The following USP10 variants were observed in gnomAD, a reference collection of about 807,000 sequenced individuals.
The protein encoded by USP10 is ubiquitin specific peptidase 10, also known as ubiquitin carboxyl-terminal hydrolase 10.
USP10 carries 22 observed loss-of-function variants against 84.5 expected under a neutral mutation model. That is an observed-to-expected ratio of 0.26 (90% CI 0.19 to 0.37). USP10 has a LOEUF of 0.37. Among genes scored for constraint, USP10 ranks in the 10% least tolerant of loss-of-function variants. The pLI is 1.00. For synonymous variants in USP10, 454 were observed against 387.6 expected (o/e 1.17, Z -2.01); for missense variants, 1,019 against 998.9 (o/e 1.02, Z -0.27).
At chr16:84,756,731 A>G (rs1475873710) in intron 4 of USP10, among the ~76,000 whole-genome samples, 3 of 152,362 alleles carry the variant, frequency 2.0e-5, no homozygotes, top group Admixed American at 1.3e-4. Context: ...TTGAGACACT[A>G]TGCCTTTACG....
chr16:84,775,348 C>A, intron 13 of USP10, 123 bp downstream of exon 13: 1 of 951,678 alleles, frequency 1.1e-6, no homozygotes, highest in Non-Finnish European at 1.6e-6. Flanking sequence ...TCCCTGTGGC[C>A]TTGTGAGTCG....
chr16:84,748,850 G>C (rs1316359331), intron 4 of USP10, among the ~76,000 whole-genome samples: 1 of 152,186 alleles, frequency 6.6e-6, no homozygotes, highest in African/African-American at 2.4e-5. Flanking sequence ...ATGACTGGTA[G>C]TAGAGGAAAG....
rs142083128 is a variant in USP10 at position 84,713,868 on chromosome 16, G to A, written c.21+13757G>A. Among the ~76,000 whole-genome samples the A allele has an allele frequency of 2.8e-4, 43 of 152,360 alleles. No homozygotes were observed. The East Asian group carries it at 7.7e-3, about 27-fold the overall frequency. On this transcript the variant is annotated intron_variant, in intron 1 of 13. Coordinates refer to ENST00000219473, the MANE Select transcript of USP10 (RefSeq NM_005153.3). Reference sequence around the variant, plus strand: ...GCCAGCAGGGTCCCAAGAGAAGGGCGCCCAAAGCAGAAAGACCTGGCGTGT... The same window carrying A: ...GCCAGCAGGGTCCCAAGAGAAGGGCACCCAAAGCAGAAAGACCTGGCGTGT...
At chr16:84,731,230 C>T (rs1279306553) in intron 1 of USP10, among the ~76,000 whole-genome samples, 3 of 151,446 alleles carry the variant, frequency 2.0e-5, no homozygotes, top group East Asian at 1.9e-4. Flanking sequence ...CCGCCCACCT[C>T]GGCCTCCCAG....
chr16:84,775,634 C>A (rs774478549), intron 13 of USP10, among the ~76,000 whole-genome samples: 1 of 152,182 alleles, frequency 6.6e-6, no homozygotes, highest in Non-Finnish European at 1.5e-5. Flanking sequence ...TCCCTGCGTC[C>A]TCCCCCACAG....
chr16:84,702,777 G>A (rs1905052332), intron 1 of USP10, among the ~76,000 whole-genome samples: 1 of 152,078 alleles, frequency 6.6e-6, no homozygotes, highest in Non-Finnish European at 1.5e-5. Flanking sequence ...TGGATCACTT[G>A]AGGTCAGGGG....
At chr16:84,723,741 G>A (rs185428380) in intron 1 of USP10, among the ~76,000 whole-genome samples, 183 of 152,272 alleles carry the variant, frequency 1.2e-3, no homozygotes, top group African/African-American at 2.1e-3. Context: ...GAGGTATAAC[G>A]TATGTGCGGT....
chr16:84,704,989 G>C, intron 1 of USP10: 1 of 1,329,064 alleles, frequency 7.5e-7, no homozygotes. Context: ...ACCTGCTACC[G>C]TCTGCGCTGT....
At chr16:84,730,735 C>T (rs923202606) in intron 1 of USP10, among the ~76,000 whole-genome samples, 3 of 152,172 alleles carry the variant, frequency 2.0e-5, no homozygotes, top group Admixed American at 6.5e-5. Context: ...GATTGACCAG[C>T]TCTAAAAACT....
chr16:84,714,063 C>T (rs940781625), intron 1 of USP10, among the ~76,000 whole-genome samples: 2 of 152,258 alleles, frequency 1.3e-5, no homozygotes, highest in African/African-American at 4.8e-5. Context: ...TAGTAAGGTT[C>T]AGTTGAGAGA....
chr16:84,773,629 G>A lies in USP10; in HGVS notation c.2143+944G>A, dbSNP rs551388524. ...GGCTGCTGTGCCGGGTTTAGTGTCC[G>A]TTGCTCCTCTCACACTTCTAGCTGC... On this transcript the variant is annotated intron_variant, in intron 12 of 13. Transcript: ENST00000219473. Among the ~76,000 whole-genome samples, 24 of 152,280 alleles carry A rather than the reference G, an allele frequency of 1.6e-4. 1 individual carries two copies. The South Asian group carries it at 3.9e-3, about 25-fold the overall frequency.
At chr16:84,758,323 G>A (rs1246964387) in intron 4 of USP10, among the ~76,000 whole-genome samples, 1 of 152,194 alleles carries the variant, frequency 6.6e-6, no homozygotes, top group Non-Finnish European at 1.5e-5. Flanking sequence ...TCTATCTAGT[G>A]TCTGAGGCGC....
intron 2 of USP10, among the ~76,000 whole-genome samples, chr16:84,734,140 A>G (rs1347285064): frequency 2.0e-5 from 3 of 152,172 alleles, no homozygotes; most frequent in African/African-American, 7.2e-5. Context: ...CAGACCTGGG[A>G]ATGGAATTAC....
Position 84,745,439 on chromosome 16 carries a change from G to A in USP10, c.958G>A (p.Ala320Thr). ...CTTGGACCCAACCAAACCCGAGAGT[G>A]CATCACCTCCTGCTGACGGCACGGG... is the stretch of plus-strand genomic sequence containing the variant. ...IDLDPTKPES[A>T]SPPADGTGSA... Residue 320 changes from alanine (A) to threonine (T), a missense_variant, in exon 4 of 14, where the codon GCA becomes ACA. This residue lies in a region of USP10 where 787 missense variants were observed against 708.8 expected (regional missense o/e 1.11). Transcript: ENST00000219473. 1 of 1,613,768 alleles carries A rather than the reference G, an allele frequency of 6.2e-7. No homozygotes were observed. The highest frequency in any genetic ancestry group is 8.5e-7 in the Non-Finnish European group (1 of 1,179,708).
intron 2 of USP10, among the ~76,000 whole-genome samples, chr16:84,737,036 C>T (rs1380049303): frequency 5.9e-5 from 9 of 152,220 alleles, no homozygotes; most frequent in African/African-American, 1.7e-4. Context: ...GGTCTGCCCG[C>T]CTCGGCTTCC....
At position 84,745,361 on chromosome 16, in the gene USP10, G is replaced by C; in HGVS notation, c.880G>C (p.Gly294Arg). 21 of 1,613,236 alleles carry C rather than the reference G, an allele frequency of 1.3e-5. No individual in the cohort carries two copies. Among genetic ancestry groups the C allele is most frequent in the Non-Finnish European group, 1.8e-5 (21 of 1,179,718 alleles). The change falls in exon 4 of 14, where the codon GGT becomes CGT. Residue 294 changes from glycine (G) to arginine (R), a missense_variant. This residue lies in a region of USP10 where 787 missense variants were observed against 708.8 expected (regional missense o/e 1.11). Transcript: ENST00000219473. The stretch of plus-strand genomic sequence containing the variant: ...TAATGGACAAATACTTGAATCCTCG[G>C]GTGAGGGCACAGCTACCAACGGGGT... ...VANGQILESS[G>R]EGTATNGVEL...
At chr16:84,724,825 G>A (rs936408218) in intron 1 of USP10, among the ~76,000 whole-genome samples, 16 of 152,122 alleles carry the variant, frequency 1.1e-4, no homozygotes, top group African/African-American at 3.6e-4. Flanking sequence ...CGAACTTCCT[G>A]GTGTGCATTC....
At chr16:84,714,342 G>T (rs1296330872) in intron 1 of USP10, among the ~76,000 whole-genome samples, 1 of 152,166 alleles carries the variant, frequency 6.6e-6, no homozygotes, top group Non-Finnish European at 1.5e-5. Flanking sequence ...TAGAGATGGG[G>T]TCTGGCTCTG....
At chr16:84,770,348 A>G (rs1318789866) in intron 11 of USP10, among the ~76,000 whole-genome samples, 2 of 152,084 alleles carry the variant, frequency 1.3e-5, no homozygotes, top group Non-Finnish European at 2.9e-5. Context: ...TTAAAATGCC[A>G]CCTTTAACTT....
Sources: gnomAD v4.1 joint callset for allele counts (sites outside exome capture counted in the v4.1 genomes callset) on GRCh38, gnomAD v4.1.1 for gene constraint, gnomAD v4.1.1 regional missense constraint, MANE v1.5 for transcripts, NCBI Gene and HGNC (gene_info 2026-07-23, HGNC 2026-07-21) for gene names.